The following BCKDHB variants were observed in gnomAD, a reference collection of about 807,000 sequenced individuals.
BCKDHB encodes the protein 2-oxoisovalerate dehydrogenase subunit beta, mitochondrial.
A neutral mutation model predicts 48.5 loss-of-function variants in BCKDHB; 41 were observed. That is an observed-to-expected ratio of 0.85 (90% CI 0.66 to 1.10). BCKDHB has a LOEUF of 1.10. Among genes scored for constraint, BCKDHB ranks in the 50% least tolerant of loss-of-function variants. The probability of loss-of-function intolerance (pLI) is 0.00; values close to 1 mark genes in which losing one functional copy is unlikely to be tolerated. For synonymous variants in BCKDHB, 201 were observed against 174.8 expected (o/e 1.15, Z -1.18); for missense variants, 496 against 494.2 (o/e 1.00, Z -0.03).
chr6:80,260,170 T>C (rs1303520650), intron 8 of BCKDHB, among the ~76,000 whole-genome samples: 2 of 152,052 alleles, frequency 1.3e-5, no homozygotes, highest in Non-Finnish European at 2.9e-5. Flanking sequence ...CCAATACTGA[T>C]GGCCAAAATA....
intron 9 of BCKDHB, among the ~76,000 whole-genome samples, chr6:80,282,492 C>T (rs1439808853): frequency 6.6e-6 from 1 of 151,974 alleles, no homozygotes; most frequent in East Asian, 1.9e-4. Context: ...AAATATCGGA[C>T]ACATTATTAA....
chr6:80,431,063 T>C, the BCKDHB span, among the ~76,000 whole-genome samples: 6 of 152,232 alleles, frequency 3.9e-5, no homozygotes, highest in Non-Finnish European at 8.8e-5. Context: ...ATTTCTGCCT[T>C]CATTTCATTA....
chr6:80,389,012 T>C, the BCKDHB span, among the ~76,000 whole-genome samples: 1 of 152,116 alleles, frequency 6.6e-6, no homozygotes, highest in Non-Finnish European at 1.5e-5. Flanking sequence ...AGAAGCATGA[T>C]TGGAAAATTG....
intron 9 of BCKDHB, among the ~76,000 whole-genome samples, chr6:80,299,846 TA>T (rs1007509433): frequency 2.6e-5 from 4 of 152,106 alleles, no homozygotes; most frequent in Non-Finnish European, 5.9e-5. Context: ...AAGGTTAAAA[TA>T]ATACATACCA....
chr6:80,403,799 T>C, the BCKDHB span, among the ~76,000 whole-genome samples: 1 of 152,020 alleles, frequency 6.6e-6, no homozygotes, highest in Non-Finnish European at 1.5e-5. Flanking sequence ...GTTGTTGAAT[T>C]TTGTTGCATG....
chr6:80,178,117 C>T (rs1773249714), intron 6 of BCKDHB, among the ~76,000 whole-genome samples: 1 of 152,220 alleles, frequency 6.6e-6, no homozygotes, highest in Non-Finnish European at 1.5e-5. Context: ...GATCTCAGGA[C>T]ATGGCCATGT....
the BCKDHB span, among the ~76,000 whole-genome samples, chr6:80,379,742 G>T: frequency 1.4e-5 from 2 of 145,738 alleles, no homozygotes; most frequent in Non-Finnish European, 3.0e-5. Flanking sequence ...AGCAACTTCT[G>T]TAAAGTCTCC....
intron 8 of BCKDHB, among the ~76,000 whole-genome samples, chr6:80,271,687 T>C (rs554932241): frequency 1.3e-5 from 2 of 152,086 alleles, no homozygotes; most frequent in African/African-American, 2.4e-5. Context: ...CTGTCATCCT[T>C]AGATACTTTT....
chr6:80,429,952 A>T, the BCKDHB span, among the ~76,000 whole-genome samples: 3 of 152,166 alleles, frequency 2.0e-5, no homozygotes, highest in East Asian at 1.9e-4. Flanking sequence ...CGGTTTTCAA[A>T]GGGAATGCTT....
chr6:80,340,223 A>G (rs200443559), intron 9 of BCKDHB, among the ~76,000 whole-genome samples: 5 of 152,252 alleles, frequency 3.3e-5, no homozygotes, highest in South Asian at 2.1e-4. Flanking sequence ...CACCTGTCAT[A>G]TGTGCTTTCA....
intron 6 of BCKDHB, among the ~76,000 whole-genome samples, chr6:80,195,331 A>T (rs1457489115): frequency 6.6e-6 from 1 of 152,180 alleles, no homozygotes; most frequent in African/African-American, 2.4e-5. Flanking sequence ...AGTGATTACT[A>T]GAAGAAAGTG....
chr6:80,227,949 G>T (rs559460013), intron 8 of BCKDHB, among the ~76,000 whole-genome samples: 1 of 152,234 alleles, frequency 6.6e-6, no homozygotes, highest in South Asian at 2.1e-4. Flanking sequence ...AAGAGTGGTT[G>T]CTTTTTCCAA....
At chr6:80,461,202 A>T in the BCKDHB span, among the ~76,000 whole-genome samples, 1 of 152,140 alleles carries the variant, frequency 6.6e-6, no homozygotes, top group Non-Finnish European at 1.5e-5. Context: ...AATGTGTCCA[A>T]ACTGAACCCA....
chr6:80,206,663 G>A lies in BCKDHB; in HGVS notation c.951+3451G>A, dbSNP rs9448912. 1.2e-3 allele frequency among the ~76,000 whole-genome samples: 187 copies of A among 151,564 alleles called. 2 individuals are homozygous for A. The highest frequency in any genetic ancestry group is 3.6e-3 in the African/African-American group (149 of 41,346). On this transcript the variant is annotated intron_variant, in intron 8 of 9. Coordinates refer to ENST00000320393, the MANE Select transcript of BCKDHB (RefSeq NM_183050.4). ...TCAATGAATAGGCTTATAACATATC[G>A]GACTCAGTAGATGATAGCAATAATG...
intron 8 of BCKDHB, among the ~76,000 whole-genome samples, chr6:80,243,052 CTA>C (rs1205201781): frequency 6.6e-6 from 1 of 152,122 alleles, no homozygotes; most frequent in Non-Finnish European, 1.5e-5. Flanking sequence ...CATCAGGACT[CTA>C]TAGTCATATC....
In BCKDHB at chr6:80,106,777, C is replaced by A. The variant is rs776261412; in HGVS notation, c.84C>A (p.Gly28=). Residue 28 remains glycine, a synonymous_variant, in exon 1 of 10, where the codon GGC becomes GGA. Transcript: ENST00000320393. ...GAEGHWRRLP[G]AGLARGFLHP... ...AGGGGCACTGGCGTCGGCTTCCTGG[C>A]GCGGGGCTGGCGCGGGGCTTTTTGC... 9 of 1,591,328 alleles carry A rather than the reference C, an allele frequency of 5.7e-6. No homozygotes were observed. The highest frequency in any genetic ancestry group is 7.7e-6 in the Non-Finnish European group (9 of 1,170,076).
At chr6:80,411,392 T>C in the BCKDHB span, among the ~76,000 whole-genome samples, 4 of 152,026 alleles carry the variant, frequency 2.6e-5, no homozygotes, top group Non-Finnish European at 4.4e-5. Flanking sequence ...TACTGGGAGG[T>C]GTCTCCCAGT....
chr6:80,336,496 C>CAAAAAAAAA (rs1769599756), intron 9 of BCKDHB, among the ~76,000 whole-genome samples: 1 of 142,528 alleles, frequency 7.0e-6, no homozygotes, highest in African/African-American at 2.6e-5. Flanking sequence ...CAAAAAAAAC[C>CAAAAAAAAA]AAAAAAACAA....
chr6:80,391,900 C>A, the BCKDHB span, among the ~76,000 whole-genome samples: 1 of 152,118 alleles, frequency 6.6e-6, no homozygotes, highest in African/African-American at 2.4e-5. Context: ...ATAGCAGGAT[C>A]CTTTTTTTTC....
Sources: gnomAD v4.1 joint callset for allele counts (sites outside exome capture counted in the v4.1 genomes callset) on GRCh38, gnomAD v4.1.1 for gene constraint, MANE v1.5 for transcripts, NCBI Gene and HGNC (gene_info 2026-07-23, HGNC 2026-07-21) for gene names.